Variants in NEK4 observed in about 807,000 individuals in gnomAD.
NEK4 encodes the protein serine/threonine-protein kinase Nek4.
A neutral mutation model predicts 98.4 loss-of-function variants in NEK4; 86 were observed. The observed-to-expected ratio is 0.87, with a 90% CI of 0.73 to 1.05. The LOEUF (loss-of-function observed/expected upper bound fraction) is 1.05. NEK4 is among the 50% of genes least tolerant of loss of function. NEK4 has a pLI of 0.00. For synonymous variants in NEK4, 328 were observed against 342.2 expected (o/e 0.96, Z 0.46); for missense variants, 898 against 950.3 (o/e 0.94, Z 0.72).
At chr3:52,761,581 T>C (rs1264091063) in intron 5 of NEK4, among the ~76,000 whole-genome samples, 1 of 152,158 alleles carries the variant, frequency 6.6e-6, no homozygotes, top group Non-Finnish European at 1.5e-5. Flanking sequence ...CCACCATGCA[T>C]GGCCAAGTCA....
chr3:52,722,494 T>G (rs923067867), intron 15 of NEK4, among the ~76,000 whole-genome samples: 1 of 151,848 alleles, frequency 6.6e-6, no homozygotes, highest in African/African-American at 2.4e-5. Context: ...AAATGTCCAG[T>G]TTGAAAACAA....
At chr3:52,761,138 A>G (rs1698339944) in intron 5 of NEK4, among the ~76,000 whole-genome samples, 1 of 152,244 alleles carries the variant, frequency 6.6e-6, no homozygotes, top group African/African-American at 2.4e-5. Flanking sequence ...TAAAAAATAA[A>G]CAAAGTGAGA....
chr3:52,735,312 AAC>A (rs1237496746), intron 15 of NEK4, among the ~76,000 whole-genome samples: 3 of 152,262 alleles, frequency 2.0e-5, no homozygotes, highest in Non-Finnish European at 4.4e-5. Flanking sequence ...TTTGGTGTTA[AAC>A]ACACTTTCAG....
intron 13 of NEK4, among the ~76,000 whole-genome samples, chr3:52,740,413 G>A (rs2097383793): frequency 2.0e-5 from 3 of 151,872 alleles, no homozygotes; most frequent in East Asian, 1.9e-4. Flanking sequence ...TTAAATACAC[G>A]GGATAGGATT....
intron 15 of NEK4, among the ~76,000 whole-genome samples, chr3:52,718,472 CAAAAAA>C (rs35974184): frequency 1.1e-5 from 1 of 92,428 alleles, no homozygotes. Flanking sequence ...GACTCCGTCT[CAAAAAA>C]AAAAAAAAAA....
intron 15 of NEK4, among the ~76,000 whole-genome samples, chr3:52,731,933 G>A (rs114687381): frequency 0.013 from 1,971 of 152,274 alleles, 16 homozygotes; most frequent in South Asian, 0.03. Flanking sequence ...TAAGTCTCAC[G>A]AGATCTGACG....
rs71087016 is a variant in NEK4, at chr3:52,752,900, C to CAAAAAAAAAAAA, written c.964-576_964-565dup. On this transcript the variant is annotated intron_variant, in intron 6 of 15. Coordinates refer to ENST00000233027, the MANE Select transcript of NEK4 (RefSeq NM_003157.6). ...GGGCAACAGGAGTGAAACCCTGCCTCAAAAAAAAAAAAAAAAAATATATAT... is the reference window on the plus strand; with the variant it reads ...GGGCAACAGGAGTGAAACCCTGCCTCAAAAAAAAAAAAAAAAAAAAAAAAAAAAAATATATAT... Among the ~76,000 whole-genome samples the CAAAAAAAAAAAA allele has an allele frequency of 3.4e-3, 168 of 49,550 alleles. 14 individuals carry two copies. The highest frequency in any genetic ancestry group is 4.3e-3 in the East Asian group (8 of 1,848). The allele number at this position is 49,550 out of a possible 152,430, so 32.5% of individuals were successfully genotyped here. A position where few individuals can be genotyped will look rare whatever the true frequency, so the allele number is the denominator to read the frequency against.
At chr3:52,752,737 T>C (rs550290827) in intron 6 of NEK4, among the ~76,000 whole-genome samples, 1 of 146,534 alleles carries the variant, frequency 6.8e-6, no homozygotes, top group Non-Finnish European at 1.5e-5. Context: ...CCATCTCTAC[T>C]AAAAATACAA....
At chr3:52,721,083 A>C (rs142864054) in intron 15 of NEK4, among the ~76,000 whole-genome samples, 47 of 152,336 alleles carry the variant, frequency 3.1e-4, no homozygotes, top group African/African-American at 1.1e-3. Flanking sequence ...GAAGTCTTAG[A>C]AGCTAAATTG....
Position 52,752,196 on chromosome 3 carries a change from G to T in NEK4, c.1104C>A (p.Asp368Glu). The T allele has an allele frequency of 6.2e-7, 1 of 1,614,196 alleles. No homozygotes were observed. Among genetic ancestry groups the T allele is most frequent in the Non-Finnish European group, 8.5e-7 (1 of 1,180,044 alleles). Reference sequence around the variant, plus strand: ...AATCCCTCCCTTTTGCAGGTAAGATGTCAATATTTACGCTACTGATTGTGG... The same window carrying T: ...AATCCCTCCCTTTTGCAGGTAAGATTTCAATATTTACGCTACTGATTGTGG... ...ELATISSVNI[D>E]ILPAKGRDSV... The change falls in exon 7 of 16, where the codon GAC becomes GAA. Residue 368 changes from aspartate to glutamate, a missense_variant. By Grantham distance (45) the Asp-to-Glu change is conservative. Transcript: ENST00000233027.
intron 6 of NEK4, chr3:52,754,150 A>G (rs567390406): frequency 1.5e-5 from 4 of 269,700 alleles, no homozygotes; most frequent in South Asian, 8.3e-5. Context: ...AAACAGAGCG[A>G]GACTCCGTCT....
intron 15 of NEK4, among the ~76,000 whole-genome samples, chr3:52,735,203 G>A (rs1390200290): frequency 6.6e-6 from 1 of 152,172 alleles, no homozygotes; most frequent in Non-Finnish European, 1.5e-5. Flanking sequence ...TAGATACTAA[G>A]ATTCATCTTT....
At position 52,765,976 on chromosome 3, in the gene NEK4, C is replaced by A. The variant is rs1698542464; in HGVS notation, c.577G>T (p.Gly193Ter). 4 of 1,609,562 alleles carry A rather than the reference C, an allele frequency of 2.5e-6. No homozygotes were observed. In the African/African-American group the frequency reaches 5.3e-5, roughly 22 times the overall value. The stretch of plus-strand genomic sequence containing the variant: ...GTGGCCATTTCATAGACACAGCATC[C>A]TAGAGCCCAAACATCAGACTAGAAA... Reference protein sequence around the residue: ...YNYKSDVWALGCCVYEMATLK... With the variant: ...YNYKSDVWAL The change falls in exon 4 of 16, where the codon GGA (glycine) becomes TGA (stop). Residue 193 changes from glycine to a stop codon, truncating the protein, a stop_gained. Transcript: ENST00000233027. LOFTEE classifies it high-confidence loss of function.
chr3:52,762,314 A>G (rs1162395596), intron 5 of NEK4, among the ~76,000 whole-genome samples: 1 of 152,192 alleles, frequency 6.6e-6, no homozygotes, highest in African/African-American at 2.4e-5. Flanking sequence ...TAAGATGTAT[A>G]GGTTTCTCAG....
chr3:52,764,799 C>CACACAT (rs1698494347), intron 4 of NEK4, among the ~76,000 whole-genome samples: 2 of 150,948 alleles, frequency 1.3e-5, no homozygotes, highest in South Asian at 4.2e-4. Flanking sequence ...CACACACACA[C>CACACAT]ACACACAGAG....
At chr3:52,753,083 CT>C (rs2097408453) in intron 6 of NEK4, among the ~76,000 whole-genome samples, 1 of 151,560 alleles carries the variant, frequency 6.6e-6, no homozygotes, top group Admixed American at 6.6e-5. Context: ...CATCCCAGCA[CT>C]TGAGCTCAGG....
At position 52,749,836 on chromosome 3, in the gene NEK4, CA is replaced by C. The variant is rs1053651443; in HGVS notation, c.1369-8del. The C allele has an allele frequency of 1.2e-4, 18 of 154,472 alleles. No individual in the cohort carries two copies. The highest frequency in any genetic ancestry group is 6.9e-4 in the South Asian group (4 of 5,800). 9.6% of individuals were successfully genotyped at this position (154,472 alleles called of 1,614,324 possible). On this transcript the variant is annotated splice_polypyrimidine_tract_variant and splice_region_variant and intron_variant, in intron 7 of 15. Transcript: ENST00000233027. Reference sequence around the variant, plus strand: ...TGGGCGACAGGGCAAGACTCTGTCTCAAAAAAAAAGAAAAAGAAAAACATGT... The same window carrying C: ...TGGGCGACAGGGCAAGACTCTGTCTCAAAAAAAAGAAAAAGAAAAACATGT...
At chr3:52,726,739 C>T (rs1348396675) in intron 15 of NEK4, among the ~76,000 whole-genome samples, 1 of 151,934 alleles carries the variant, frequency 6.6e-6, no homozygotes, top group Non-Finnish European at 1.5e-5. Flanking sequence ...AACCCCGTCT[C>T]TACTAAAAAT....
At chr3:52,744,392 G>C in intron 10 of NEK4, 87 bp from the exon 11 acceptor site, 1 of 1,081,376 alleles carries the variant, frequency 9.2e-7, no homozygotes, top group Non-Finnish European at 1.4e-6. Flanking sequence ...TCAGCATTAA[G>C]AAAAAGGTCT....
Sources: gnomAD v4.1 joint callset for allele counts (sites outside exome capture counted in the v4.1 genomes callset) on GRCh38, gnomAD v4.1.1 for gene constraint, MANE v1.5 for transcripts, NCBI Gene and HGNC (gene_info 2026-07-23, HGNC 2026-07-21) for gene names.